The following INSL6 variants were observed in gnomAD, a reference collection of about 807,000 sequenced individuals.
The protein encoded by INSL6 is insulin-like peptide INSL6.
Under a neutral mutation model 9.4 loss-of-function variants are expected in INSL6, and 16 were observed. The observed-to-expected ratio is 1.70, with a 90% confidence interval of 1.15 to 2.59. INSL6 has a LOEUF of 2.59. INSL6 is among the 30% of genes most tolerant of loss of function. The pLI is 0.00. For missense variants in INSL6, 391 were observed against 257.3 expected, an observed-to-expected ratio of 1.52 and a Z score of -3.56; for synonymous variants, 154 against 96.9, an observed-to-expected ratio of 1.59 and a Z score of -3.46.
the INSL6 span, among the ~76,000 whole-genome samples, chr9:5,115,751 G>T: frequency 6.6e-6 from 1 of 152,192 alleles, no homozygotes; most frequent in South Asian, 2.1e-4. Context: ...ATGAGTTCAT[G>T]TCCTTTGCAG....
At chr9:5,150,711 C>G (rs578171531) in intron 2 of INSL6, among the ~76,000 whole-genome samples, 2 of 152,126 alleles carry the variant, frequency 1.3e-5, no homozygotes. Flanking sequence ...AGCAAACTCA[C>G]TACTGCATGT....
intron 2 of INSL6, among the ~76,000 whole-genome samples, chr9:5,155,635 T>C (rs980774270): frequency 1.3e-5 from 2 of 151,350 alleles, no homozygotes; most frequent in Admixed American, 6.6e-5. Flanking sequence ...TGAATGACAC[T>C]GGAAACCATC....
chr9:5,153,341 C>T (rs1457737528), intron 2 of INSL6, among the ~76,000 whole-genome samples: 1 of 152,154 alleles, frequency 6.6e-6, no homozygotes, highest in Non-Finnish European at 1.5e-5. Flanking sequence ...TTGGGACACT[C>T]GAACTTGGTG....
At chr9:5,112,438 G>A in the INSL6 span, 6 of 523,388 alleles carry the variant, frequency 1.1e-5, no homozygotes, top group Middle Eastern at 3.2e-4. Flanking sequence ...GACCACTCAA[G>A]AGGAGAAGAA....
the INSL6 span, chr9:5,112,472 G>A: frequency 5.5e-6 from 3 of 546,458 alleles, no homozygotes; most frequent in Admixed American, 5.6e-5. Context: ...CCCCGGGACC[G>A]GACCAGCCCA....
intron 1 of INSL6, among the ~76,000 whole-genome samples, chr9:5,165,999 A>G (rs1825042329): frequency 6.6e-6 from 1 of 152,212 alleles, no homozygotes; most frequent in African/African-American, 2.4e-5. Flanking sequence ...CACAATGGCT[A>G]GCAATCCACG....
the INSL6 span, among the ~76,000 whole-genome samples, chr9:5,018,108 A>G: frequency 6.6e-6 from 1 of 152,078 alleles, no homozygotes; most frequent in South Asian, 2.1e-4. Flanking sequence ...TTTATTCTTG[A>G]TATGTGAAGG....
chr9:4,993,334 G>A, the INSL6 span, among the ~76,000 whole-genome samples: 3 of 152,080 alleles, frequency 2.0e-5, no homozygotes, highest in Non-Finnish European at 4.4e-5. Context: ...TTTGCTCTGA[G>A]GCCCTTTTTA....
At chr9:5,048,278 A>G in the INSL6 span, among the ~76,000 whole-genome samples, 2 of 151,958 alleles carry the variant, frequency 1.3e-5, no homozygotes, top group East Asian at 3.9e-4. Flanking sequence ...AGTAGCTGGG[A>G]TTACAGGTGC....
the INSL6 span, among the ~76,000 whole-genome samples, chr9:4,994,875 AT>A: frequency 6.6e-6 from 1 of 152,140 alleles, no homozygotes; most frequent in Non-Finnish European, 1.5e-5. Flanking sequence ...AAAATTATCT[AT>A]TTTTTGAACA....
At chr9:5,046,791 T>A in the INSL6 span, among the ~76,000 whole-genome samples, 1 of 128,312 alleles carries the variant, frequency 7.8e-6, no homozygotes, top group Non-Finnish European at 1.5e-5. Flanking sequence ...AATAGCCTTT[T>A]GAAAACAGGA....
the INSL6 span, among the ~76,000 whole-genome samples, chr9:5,038,752 A>G: frequency 6.6e-6 from 1 of 152,080 alleles, no homozygotes; most frequent in African/African-American, 2.4e-5. Context: ...AGCATTTCGG[A>G]TTTCAGATTT....
chr9:5,085,003 G>T, the INSL6 span: 1 of 849,122 alleles, frequency 1.2e-6, no homozygotes, highest in Non-Finnish European at 1.9e-6. Context: ...TGTCATTTAT[G>T]TCTTGTGAGT....
At chr9:5,026,697 TTG>T in the INSL6 span, among the ~76,000 whole-genome samples, 1 of 152,290 alleles carries the variant, frequency 6.6e-6, no homozygotes, top group South Asian at 2.1e-4. Flanking sequence ...CACGTGATTG[TTG>T]TGTTTGTGCT....
At chr9:5,178,546 T>C (rs1825371690) in intron 1 of INSL6, among the ~76,000 whole-genome samples, 1 of 152,214 alleles carries the variant, frequency 6.6e-6, no homozygotes, top group Non-Finnish European at 1.5e-5. Context: ...ACAAAGTTCC[T>C]GTGGGGAGGG....
At chr9:5,009,767 C>G in the INSL6 span, among the ~76,000 whole-genome samples, 1 of 151,490 alleles carries the variant, frequency 6.6e-6, no homozygotes, top group African/African-American at 2.4e-5. Context: ...TTTTTTTCTT[C>G]AGTTAAAATT....
chr9:5,055,754 T>C, the INSL6 span: 2 of 1,610,982 alleles, frequency 1.2e-6, no homozygotes, highest in Non-Finnish European at 1.7e-6. Flanking sequence ...GAAAGCCGAG[T>C]TGTAACTATC....
intron 2 of INSL6, among the ~76,000 whole-genome samples, chr9:5,137,222 C>T (rs1457142856): frequency 1.3e-5 from 2 of 152,170 alleles, no homozygotes; most frequent in Non-Finnish European, 2.9e-5. Flanking sequence ...AATGCTACCA[C>T]CATCAAGCTA....
At chr9:5,036,457 C>T in the INSL6 span, among the ~76,000 whole-genome samples, 10 of 152,084 alleles carry the variant, frequency 6.6e-5, no homozygotes, top group Admixed American at 1.3e-4. Context: ...GGAGGCATCA[C>T]GCTACCTGAC....
Sources: gnomAD v4.1 joint callset for allele counts (sites outside exome capture counted in the v4.1 genomes callset) on GRCh38, gnomAD v4.1.1 for gene constraint, MANE v1.5 for transcripts, NCBI Gene and HGNC (gene_info 2026-07-23, HGNC 2026-07-21) for gene names.